The following PGCKA1 variants were observed in gnomAD, a reference collection of about 807,000 sequenced individuals.
The protein encoded by PGCKA1 is PDCD10 and GCKIII kinases-associated protein 1.
the PGCKA1 span, among the ~76,000 whole-genome samples, chr4:37,482,141 A>G: frequency 6.6e-6 from 1 of 152,218 alleles, no homozygotes; most frequent in African/African-American, 2.4e-5. Context: ...TAATACAGCA[A>G]ATTGATACGG....
the PGCKA1 span, among the ~76,000 whole-genome samples, chr4:37,569,288 C>T: frequency 6.6e-6 from 1 of 151,872 alleles, no homozygotes; most frequent in African/African-American, 2.4e-5. Context: ...ACCTCCGCCT[C>T]CCAGGTTCAA....
the PGCKA1 span, among the ~76,000 whole-genome samples, chr4:37,585,006 GTT>G: frequency 0.2 from 24,860 of 123,438 alleles, 2,290 homozygotes; most frequent in East Asian, 0.3. Flanking sequence ...TCTTTGACTT[GTT>G]TTTTTTTTTT....
chr4:37,477,472 TGTG>T, the PGCKA1 span, among the ~76,000 whole-genome samples: 11 of 152,212 alleles, frequency 7.2e-5, no homozygotes, highest in African/African-American at 2.7e-4. Flanking sequence ...TAAAATTTAT[TGTG>T]GTAACGGTGG....
At chr4:37,590,871 G>C in the PGCKA1 span, 2 of 1,614,248 alleles carry the variant, frequency 1.2e-6, no homozygotes, top group Non-Finnish European at 1.7e-6. Context: ...CAGGAAACAG[G>C]CAGGAGGATA....
At chr4:37,517,798 A>G in the PGCKA1 span, among the ~76,000 whole-genome samples, 1 of 152,162 alleles carries the variant, frequency 6.6e-6, no homozygotes, top group Non-Finnish European at 1.5e-5. Context: ...ATGTACAACT[A>G]AGTTATTATT....
the PGCKA1 span, among the ~76,000 whole-genome samples, chr4:37,564,380 C>T: frequency 6.6e-6 from 1 of 152,158 alleles, no homozygotes; most frequent in East Asian, 1.9e-4. Flanking sequence ...TTGCAAGACA[C>T]ATATTGCCAG....
the PGCKA1 span, among the ~76,000 whole-genome samples, chr4:37,486,753 C>T: frequency 6.6e-6 from 1 of 152,144 alleles, no homozygotes; most frequent in Non-Finnish European, 1.5e-5. Flanking sequence ...TATTTTCCTT[C>T]TTCTTGCTTC....
the PGCKA1 span, among the ~76,000 whole-genome samples, chr4:37,456,798 A>G: frequency 1.3e-5 from 2 of 152,212 alleles, no homozygotes; most frequent in East Asian, 3.8e-4. Flanking sequence ...TGCAGGCTGC[A>G]ATGAGAATGA....
At chr4:37,467,792 C>G in the PGCKA1 span, among the ~76,000 whole-genome samples, 1 of 152,190 alleles carries the variant, frequency 6.6e-6, no homozygotes, top group Admixed American at 6.5e-5. Context: ...TAAATTTGTG[C>G]TTGAACTCAG....
chr4:37,519,505 T>C, the PGCKA1 span, among the ~76,000 whole-genome samples: 1 of 152,294 alleles, frequency 6.6e-6, no homozygotes, highest in East Asian at 1.9e-4. Context: ...AATCCCTAGG[T>C]ATTTACTTGT....
the PGCKA1 span, among the ~76,000 whole-genome samples, chr4:37,500,423 T>C: frequency 6.6e-6 from 1 of 152,220 alleles, no homozygotes; most frequent in Admixed American, 6.5e-5. Flanking sequence ...TGTAATTATA[T>C]GATTTTGAGT....
the PGCKA1 span, among the ~76,000 whole-genome samples, chr4:37,491,497 T>G: frequency 3.3e-5 from 5 of 152,296 alleles, no homozygotes; most frequent in South Asian, 2.1e-4. Flanking sequence ...TTCTTGTGCA[T>G]TTTTTTAACG....
the PGCKA1 span, among the ~76,000 whole-genome samples, chr4:37,528,395 A>G: frequency 6.6e-6 from 1 of 152,142 alleles, no homozygotes; most frequent in East Asian, 1.9e-4. Context: ...ATCTCACCCA[A>G]GAAGGCCCAG....
the PGCKA1 span, among the ~76,000 whole-genome samples, chr4:37,508,683 C>CTTTTTTTTTTTTTTTT: frequency 2.2e-4 from 19 of 84,828 alleles, 2 homozygotes; most frequent in African/African-American, 8.2e-4. Flanking sequence ...TTTGCTGAAT[C>CTTTTTTTTTTTTTTTT]TTTTTTTTAG....
At chr4:37,504,954 A>G in the PGCKA1 span, among the ~76,000 whole-genome samples, 1 of 152,172 alleles carries the variant, frequency 6.6e-6, no homozygotes, top group African/African-American at 2.4e-5. Context: ...TTGCAGTACT[A>G]TGCTGAACAA....
At chr4:37,578,175 G>T in the PGCKA1 span, among the ~76,000 whole-genome samples, 1,267 of 152,234 alleles carry the variant, frequency 8.3e-3, 17 homozygotes, top group African/African-American at 0.028. Flanking sequence ...TTGTATTGGG[G>T]TCTATCCCTC....
At chr4:37,526,397 T>TA in the PGCKA1 span, among the ~76,000 whole-genome samples, 3 of 152,254 alleles carry the variant, frequency 2.0e-5, no homozygotes, top group Non-Finnish European at 4.4e-5. Flanking sequence ...TTTGAGATTC[T>TA]AAAGTACCTC....
At chr4:37,592,220 A>G in the PGCKA1 span, among the ~76,000 whole-genome samples, 1 of 151,512 alleles carries the variant, frequency 6.6e-6, no homozygotes, top group East Asian at 1.9e-4. Context: ...AAAAAAAAAA[A>G]AAAAAAAAGA....
chr4:37,535,471 C>T, the PGCKA1 span, among the ~76,000 whole-genome samples: 24 of 152,174 alleles, frequency 1.6e-4, no homozygotes, highest in African/African-American at 5.3e-4. Flanking sequence ...GAGTGGGGGG[C>T]CACAGTGATC....
Sources: allele counts gnomAD v4.1 joint callset (sites outside exome capture counted in the v4.1 genomes callset), GRCh38; gene constraint gnomAD v4.1.1; transcripts MANE v1.5; gene names NCBI Gene and HGNC (gene_info 2026-07-23, HGNC 2026-07-21).